Variants in DNAH5 observed in about 807,000 individuals in gnomAD.
DNAH5 encodes the protein dynein axonemal heavy chain 5.
DNAH5 carries 372 observed loss-of-function variants against 518.2 expected under a neutral mutation model. The observed-to-expected ratio is 0.72, with a 90% confidence interval of 0.66 to 0.78. DNAH5 has a LOEUF of 0.78. DNAH5 is among the 30% of genes least tolerant of loss of function. The pLI is 0.00. For missense variants in DNAH5, 5,523 were observed against 5,687.0 expected (o/e 0.97, Z 0.93); for synonymous variants, 2,039 against 2,025.9 (o/e 1.01, Z -0.17).
chr5:13,929,078 A>C (rs1195687323), intron 2 of DNAH5, among the ~76,000 whole-genome samples: 1 of 152,234 alleles, frequency 6.6e-6, no homozygotes, highest in South Asian at 2.1e-4. Flanking sequence ...AATAGCTTCC[A>C]CAAAAGATGA....
At chr5:13,925,858 C>G (rs932623434) in intron 3 of DNAH5, among the ~76,000 whole-genome samples, 2 of 152,222 alleles carry the variant, frequency 1.3e-5, no homozygotes, top group Non-Finnish European at 2.9e-5. Context: ...GAGACTGCAA[C>G]TGTCCCAGCT....
intron 65 of DNAH5, among the ~76,000 whole-genome samples, chr5:13,741,901 T>C (rs1402939333): frequency 6.6e-6 from 1 of 152,168 alleles, no homozygotes; most frequent in Non-Finnish European, 1.5e-5. Context: ...ACAAAATGTA[T>C]GTAAAAACTG....
chr5:13,720,719 C>T (rs966505615), intron 71 of DNAH5, among the ~76,000 whole-genome samples: 1 of 152,162 alleles, frequency 6.6e-6, no homozygotes, highest in East Asian at 1.9e-4. Flanking sequence ...TCTTCACCCA[C>T]AGAATCCCAT....
chr5:13,952,379 T>C (rs1176685801), intron 1 of DNAH5, among the ~76,000 whole-genome samples: 2 of 152,206 alleles, frequency 1.3e-5, no homozygotes, highest in South Asian at 2.1e-4. Context: ...GTTCTGTCTC[T>C]GAAAAGCTTA....
rs538566246 is a variant in DNAH5, at chr5:13,808,923, G to A, written c.7752+121C>T. On this transcript the variant is annotated intron_variant, in intron 46 of 78. Transcript: ENST00000265104. ...TGCAGTGAGCCGAGATCGCGCCACT[G>A]CACTCCAGCCTGGGCGACAGAGTGA... is the stretch of plus-strand genomic sequence containing the variant. 777 of 1,231,626 alleles carry A rather than the reference G, an allele frequency of 6.3e-4. 6 individuals carry two copies. In the African/African-American group the frequency reaches 0.011, roughly 17 times the overall value. 76.3% of individuals were successfully genotyped at this position (1,231,626 alleles called of 1,614,324 possible). A position where few individuals can be genotyped will look rare whatever the true frequency, so the allele number is the denominator to read the frequency against.
intron 1 of DNAH5, among the ~76,000 whole-genome samples, chr5:13,984,861 A>T (rs558368979): frequency 6.6e-6 from 1 of 152,306 alleles, no homozygotes; most frequent in South Asian, 2.1e-4. Flanking sequence ...ATTGTGGAAG[A>T]CAGTGTGGCA....
intron 30 of DNAH5, among the ~76,000 whole-genome samples, chr5:13,856,186 C>CA (rs1276155497): frequency 1.3e-5 from 2 of 151,982 alleles, no homozygotes; most frequent in Non-Finnish European, 2.9e-5. Context: ...AAAAACCCTT[C>CA]AAAAAAATCA....
At chr5:13,792,842 C>G (rs1757211692) in intron 49 of DNAH5, among the ~76,000 whole-genome samples, 1 of 152,162 alleles carries the variant, frequency 6.6e-6, no homozygotes, top group Non-Finnish European at 1.5e-5. Context: ...TCCTGATGAG[C>G]TTTTTCTCAA....
At chr5:13,714,768 A>G (rs768751866) in intron 74 of DNAH5, 148 bp from the exon 75 acceptor site, 27 of 809,262 alleles carry the variant, frequency 3.3e-5, no homozygotes, top group Non-Finnish European at 5.1e-5. Flanking sequence ...TAATTTCTCC[A>G]GAAAAGAATC....
At chr5:13,798,768 A>G (rs1210511597) in intron 47 of DNAH5, among the ~76,000 whole-genome samples, 1 of 149,406 alleles carries the variant, frequency 6.7e-6, no homozygotes, top group Non-Finnish European at 1.5e-5. Context: ...TTATTTATTT[A>G]TTTATTTATT....
rs780411639 is a variant in DNAH5, at chr5:13,917,155, G to A, written c.1077C>T (p.Tyr359=). 5 of 1,613,128 alleles carry A rather than the reference G, an allele frequency of 3.1e-6. No individual in the cohort carries two copies. Among genetic ancestry groups the A allele is most frequent in the Non-Finnish European group, 4.2e-6 (5 of 1,179,218 alleles). The change falls in exon 8 of 79, where the codon TAC becomes TAT. Residue 359 remains tyrosine (Y), a synonymous_variant. Coordinates refer to ENST00000265104, the MANE Select transcript of DNAH5 (RefSeq NM_001369.3). The part of the protein sequence containing the change: ...YTLEKCCDPL[Y]SSDPLSMMDA... ...ATCCTTAACTCACGGGATCACTGCTGTACAAAGGGTCACAACATTTTTCAA... is the reference window on the plus strand; with the variant it reads ...ATCCTTAACTCACGGGATCACTGCTATACAAAGGGTCACAACATTTTTCAA...
At chr5:13,931,927 C>T (rs1778467599) in intron 1 of DNAH5, 1 of 153,342 alleles carries the variant, frequency 6.5e-6, no homozygotes. Flanking sequence ...ACAGACTATT[C>T]CATCCTGTGT....
chr5:13,975,533 G>C (rs981192497), intron 1 of DNAH5, among the ~76,000 whole-genome samples: 1 of 152,192 alleles, frequency 6.6e-6, no homozygotes, highest in Non-Finnish European at 1.5e-5. Flanking sequence ...AGAATGGACA[G>C]GGCGAAAATG....
At chr5:13,997,951 C>T (rs1784075608) in intron 1 of DNAH5, among the ~76,000 whole-genome samples, 1 of 151,466 alleles carries the variant, frequency 6.6e-6, no homozygotes, top group Non-Finnish European at 1.5e-5. Context: ...TCAAGCAATT[C>T]TCCTGCCTCA....
intron 3 of DNAH5, among the ~76,000 whole-genome samples, chr5:13,925,173 G>A (rs967002188): frequency 2.6e-5 from 4 of 152,044 alleles, no homozygotes; most frequent in Admixed American, 6.6e-5. Context: ...ATTGCATCCC[G>A]CTCCTGGCTA....
chr5:13,841,918 C>CAAAAAAAAAAAAAAAAAAAAGAAAAA lies in DNAH5; in HGVS notation c.5272-15_5272-14insTTTTTCTTTTTTTTTTTTTTTTTTTT. 1 of 591,134 alleles carries CAAAAAAAAAAAAAAAAAAAAGAAAAA rather than the reference C, an allele frequency of 1.7e-6. No individual in the cohort carries two copies. Among genetic ancestry groups the CAAAAAAAAAAAAAAAAAAAAGAAAAA allele is most frequent in the Non-Finnish European group, 2.7e-6 (1 of 370,188 alleles). The allele number at this position is 591,134 out of a possible 1,614,324, so 36.6% of individuals were successfully genotyped here. A position where few individuals can be genotyped will look rare whatever the true frequency, so the allele number is the denominator to read the frequency against. ...TCGATCATAGATCTATGTTAGAAAC[C>CAAAAAAAAAAAAAAAAAAAAGAAAAA]AAAAAAAAAAAAAAAAAAAGCTATA... is the stretch of plus-strand genomic sequence containing the variant. On this transcript the variant is annotated splice_polypyrimidine_tract_variant and intron_variant, in intron 32 of 78. Transcript: ENST00000265104.
intron 3 of DNAH5, among the ~76,000 whole-genome samples, chr5:13,925,358 C>G (rs187759902): frequency 6.8e-4 from 104 of 152,232 alleles, no homozygotes; most frequent in Non-Finnish European, 1.2e-3. Flanking sequence ...CATCAGAATG[C>G]AAAAGGGTCA....
chr5:13,805,348 A>C (rs899546889), intron 47 of DNAH5, among the ~76,000 whole-genome samples: 1 of 152,090 alleles, frequency 6.6e-6, no homozygotes, highest in African/African-American at 2.4e-5. Context: ...AAATACAAAA[A>C]TTAGCGGGGT....
chr5:13,710,616 T>G lies in DNAH5; in HGVS notation c.13126-2281A>C, dbSNP rs1743360571. ...AAGATAAATAAAATAGATAGACCAT[T>G]AGCAAGATTCACCAAGAAAAGAAGA... On this transcript the variant is annotated intron_variant, in intron 75 of 78. Transcript: ENST00000265104. Among the ~76,000 whole-genome samples the G allele has an allele frequency of 2.6e-5, 4 of 152,030 alleles. No individual in the cohort carries two copies. The South Asian group carries it at 8.3e-4, about 32-fold the overall frequency.
Sources: gnomAD v4.1 joint callset for allele counts (sites outside exome capture counted in the v4.1 genomes callset) on GRCh38, gnomAD v4.1.1 for gene constraint, MANE v1.5 for transcripts, NCBI Gene and HGNC (gene_info 2026-07-23, HGNC 2026-07-21) for gene names.